SMIM35: variants seen among roughly 807,000 people sequenced by gnomAD.
SMIM35 encodes the protein small integral membrane protein 35.
At chr11:118,061,517 A>G (rs776323049) in intron 1 of SMIM35, among the ~76,000 whole-genome samples, 3 of 152,128 alleles carry the variant, frequency 2.0e-5, no homozygotes, top group Non-Finnish European at 2.9e-5. Flanking sequence ...GCTCCAGGGA[A>G]GCAGAATCAG....
intron 1 of SMIM35, among the ~76,000 whole-genome samples, chr11:118,062,301 G>A (rs1944404662): frequency 1.3e-5 from 2 of 152,192 alleles, no homozygotes; most frequent in Non-Finnish European, 2.9e-5. Flanking sequence ...TTGCACCCCA[G>A]CCTGGGCAAC....
chr11:118,062,697 C>T (rs1297805913), intron 1 of SMIM35, among the ~76,000 whole-genome samples: 1 of 152,222 alleles, frequency 6.6e-6, no homozygotes, highest in Non-Finnish European at 1.5e-5. Context: ...CTCTGAGTTT[C>T]TGCCTCTTCG....
chr11:118,033,788 T>C (rs1314406383), intron 1 of SMIM35, among the ~76,000 whole-genome samples: 1 of 152,210 alleles, frequency 6.6e-6, no homozygotes, highest in Non-Finnish European at 1.5e-5. Context: ...TACAATCCTT[T>C]GGCAATATAG....
At chr11:118,042,492 A>C in intron 1 of SMIM35, among the ~76,000 whole-genome samples, 1 of 152,188 alleles carries the variant, frequency 6.6e-6, no homozygotes, top group East Asian at 1.9e-4. Context: ...AGAAAAACCC[A>C]AGCCTAATTA....
At chr11:118,018,447 A>G (rs2058200927) in intron 1 of SMIM35, among the ~76,000 whole-genome samples, 1 of 152,200 alleles carries the variant, frequency 6.6e-6, no homozygotes, top group African/African-American at 2.4e-5. Flanking sequence ...CAAGGAACTA[A>G]GAGGCCAAGG....
chr11:118,063,573 A>G (rs1944424924), intron 1 of SMIM35, among the ~76,000 whole-genome samples: 1 of 152,196 alleles, frequency 6.6e-6, no homozygotes, highest in Non-Finnish European at 1.5e-5. Context: ...GAGGCCTGGA[A>G]GGGCCTAGGT....
rs574580962 is a variant in SMIM35, at chr11:118,058,147, G to A, written c.7+28604C>T. ...GTAATTGTTTTAAAAATTTGTCTCAGGTCCCCGTGGCCTGGGGGCTGGTCA... is the reference window on the plus strand; with the variant it reads ...GTAATTGTTTTAAAAATTTGTCTCAAGTCCCCGTGGCCTGGGGGCTGGTCA... On this transcript the variant is annotated intron_variant, in intron 1 of 4. Coordinates refer to ENST00000689828, the MANE Select transcript of SMIM35 (RefSeq NM_001394165.1). Among the ~76,000 whole-genome samples the A allele has an allele frequency of 3.9e-5, 6 of 152,266 alleles. No homozygotes were observed. In the East Asian group the frequency reaches 1.2e-3, roughly 29 times the overall value.
chr11:118,039,262 A>T (rs1281656517), intron 1 of SMIM35, among the ~76,000 whole-genome samples: 1 of 152,250 alleles, frequency 6.6e-6, no homozygotes, highest in Non-Finnish European at 1.5e-5. Context: ...AATAAGTACC[A>T]AATACCCAGT....
Position 118,043,908 on chromosome 11 carries a change from TA to T in SMIM35, c.8-28100del, listed in dbSNP as rs1944047910. On this transcript the variant is annotated intron_variant, in intron 1 of 4. Transcript: ENST00000689828. ...AGCTAAAGGGTATGGGTTTTTTTTT[TA>T]GGCGATGAAAATGTTCTAAAATTGA... Among the ~76,000 whole-genome samples the T allele has an allele frequency of 2.0e-5, 3 of 151,682 alleles. No homozygotes were observed. The South Asian group carries it at 6.2e-4, about 32-fold the overall frequency.
intron 1 of SMIM35, among the ~76,000 whole-genome samples, chr11:118,070,107 A>G (rs1170451818): frequency 3.3e-5 from 5 of 152,254 alleles, no homozygotes; most frequent in Non-Finnish European, 7.3e-5. Flanking sequence ...GTTGTTCATT[A>G]TCCGGATACT....
intron 1 of SMIM35, among the ~76,000 whole-genome samples, chr11:118,035,653 G>A (rs1565386846): frequency 6.6e-6 from 1 of 152,108 alleles, no homozygotes; most frequent in African/African-American, 2.4e-5. Context: ...GTGTGGAGGA[G>A]TCTCTGGGCC....
At chr11:118,015,121 C>T (rs1429757915) in intron 2 of SMIM35, among the ~76,000 whole-genome samples, 3 of 152,256 alleles carry the variant, frequency 2.0e-5, no homozygotes, top group African/African-American at 7.2e-5. Flanking sequence ...ATAGTAGGTG[C>T]TCAACAAATA....
chr11:118,082,850 G>C (rs938042303), intron 1 of SMIM35, among the ~76,000 whole-genome samples: 3 of 152,156 alleles, frequency 2.0e-5, no homozygotes, highest in South Asian at 4.1e-4. Context: ...CTGAGAGTGA[G>C]CTCTTCAGAA....
chr11:118,018,720 T>C (rs902252578), intron 1 of SMIM35, among the ~76,000 whole-genome samples: 2 of 152,170 alleles, frequency 1.3e-5, no homozygotes, highest in African/African-American at 4.8e-5. Context: ...GGGAAGGAGA[T>C]GTTATGTCTC....
intron 1 of SMIM35, among the ~76,000 whole-genome samples, chr11:118,080,726 A>G (rs1382657518): frequency 2.0e-5 from 3 of 152,158 alleles, no homozygotes; most frequent in African/African-American, 7.2e-5. Flanking sequence ...AAACAGACCC[A>G]AAACAGAGCT....
chr11:118,034,964 T>C (rs1355248101), intron 1 of SMIM35, among the ~76,000 whole-genome samples: 4 of 151,522 alleles, frequency 2.6e-5, no homozygotes, highest in Non-Finnish European at 4.4e-5. Flanking sequence ...GAATTTTTTT[T>C]TTTTTTTGAC....
At chr11:118,060,327 T>G (rs1203305598) in intron 1 of SMIM35, among the ~76,000 whole-genome samples, 1 of 152,228 alleles carries the variant, frequency 6.6e-6, no homozygotes, top group African/African-American at 2.4e-5. Flanking sequence ...CTTCCCATGC[T>G]GTGAGTGTGA....
intron 2 of SMIM35, among the ~76,000 whole-genome samples, chr11:118,015,160 G>T (rs943709893): frequency 6.6e-6 from 1 of 152,228 alleles, no homozygotes; most frequent in African/African-American, 2.4e-5. Context: ...GTTAAGTGCA[G>T]ATCTAGGAAA....
rs57261529 is a variant in SMIM35 at position 118,048,946 on chromosome 11, C to CAAAAAAAAAAAAAAAAAAAA, written c.8-33138_8-33137insTTTTTTTTTTTTTTTTTTTT. Among the ~76,000 whole-genome samples the CAAAAAAAAAAAAAAAAAAAA allele has an allele frequency of 2.9e-3, 174 of 60,340 alleles. 12 individuals are homozygous for CAAAAAAAAAAAAAAAAAAAA. Among genetic ancestry groups the CAAAAAAAAAAAAAAAAAAAA allele is most frequent in the Non-Finnish European group, 3.3e-3 (107 of 32,750 alleles). 39.6% of individuals were successfully genotyped at this position (60,340 alleles called of 152,430 possible). A position where few individuals can be genotyped will look rare whatever the true frequency, so the allele number is the denominator to read the frequency against. The stretch of plus-strand genomic sequence containing the variant: ...GCCTATCGCCTAGGCTGAAGAGCTG[C>CAAAAAAAAAAAAAAAAAAAA]AAAAAAAAAAAAAAAAAAGCAAGTG... On this transcript the variant is annotated intron_variant, in intron 1 of 4. Coordinates refer to ENST00000689828, the MANE Select transcript of SMIM35 (RefSeq NM_001394165.1).
Sources: allele counts gnomAD v4.1 joint callset (sites outside exome capture counted in the v4.1 genomes callset), GRCh38; gene constraint gnomAD v4.1.1; transcripts MANE v1.5; gene names NCBI Gene and HGNC (gene_info 2026-07-23, HGNC 2026-07-21).